MACROH2A1: variants seen among roughly 807,000 people sequenced by gnomAD.
MACROH2A1 encodes the protein core histone macro-H2A.1.
In MACROH2A1, 2 loss-of-function variants were observed where a neutral mutation model predicts 31.6. The ratio of observed to expected loss-of-function variants is 0.06; its 90% CI spans 0.03 to 0.20. MACROH2A1 has a LOEUF of 0.20. MACROH2A1 is among the 10% of genes least tolerant of loss of function. The pLI, the probability that MACROH2A1 is intolerant of heterozygous loss-of-function variation, is 1.00. For synonymous variants in MACROH2A1, 169 were observed against 189.6 expected, an observed-to-expected ratio of 0.89 and a Z score of 0.89; for missense variants, 230 against 474.0, an observed-to-expected ratio of 0.49 and a Z score of 4.78.
chr5:135,338,063 C>A, intron 8 of MACROH2A1: 1 of 1,051,664 alleles, frequency 9.5e-7, no homozygotes, highest in Non-Finnish European at 1.2e-6. Context: ...GTCTTGCTGC[C>A]AGTTAGAATG....
intron 6 of MACROH2A1, among the ~76,000 whole-genome samples, chr5:135,348,988 A>G (rs986804440): frequency 3.9e-5 from 6 of 152,190 alleles, no homozygotes; most frequent in Non-Finnish European, 7.3e-5. Context: ...GTCACAATTC[A>G]GGAAGGACTG....
At chr5:135,397,077 G>A (rs1010561168) in intron 1 of MACROH2A1, among the ~76,000 whole-genome samples, 1 of 152,144 alleles carries the variant, frequency 6.6e-6, no homozygotes, top group Non-Finnish European at 1.5e-5. Flanking sequence ...TAAAACCAGA[G>A]GCTGTTGCAG....
intron 2 of MACROH2A1, among the ~76,000 whole-genome samples, chr5:135,382,315 C>T (rs1249631680): frequency 2.0e-5 from 3 of 152,134 alleles, no homozygotes; most frequent in African/African-American, 7.2e-5. Flanking sequence ...TGCATTTTGC[C>T]CTTCAAAGTG....
At chr5:135,352,670 T>A (rs1176383927) in intron 6 of MACROH2A1, among the ~76,000 whole-genome samples, 1 of 152,186 alleles carries the variant, frequency 6.6e-6, no homozygotes, top group Non-Finnish European at 1.5e-5. Flanking sequence ...CCTCCCCAAG[T>A]AACCAGCAGT....
intron 7 of MACROH2A1, chr5:135,344,453 T>C (rs1446443526): frequency 3.9e-5 from 6 of 152,128 alleles, no homozygotes; most frequent in Non-Finnish European, 8.8e-5. Flanking sequence ...AAGGAGCGAT[T>C]TGTGGGTAGT....
chr5:135,378,237 G>A (rs1025071087), intron 2 of MACROH2A1, among the ~76,000 whole-genome samples: 3 of 152,230 alleles, frequency 2.0e-5, no homozygotes, highest in African/African-American at 7.2e-5. Context: ...TCTCTGCCCA[G>A]TACCTCGCTT....
chr5:135,388,895 T>C lies in MACROH2A1; in HGVS notation c.172+27A>G, dbSNP rs762638525. The C allele has an allele frequency of 2.9e-5, 46 of 1,561,942 alleles. No individual in the cohort carries two copies. In the South Asian group the frequency reaches 4.9e-4, roughly 17 times the overall value. On this transcript the variant is annotated intron_variant, in intron 2 of 8. Transcript: ENST00000511689. ...GAACTTCTGCATCTTAAGCCAGTGG[T>C]GTCTGGGTTGACTGAGGTACACTCA...
At chr5:135,348,181 T>A (rs529926177) in intron 6 of MACROH2A1, among the ~76,000 whole-genome samples, 1 of 152,346 alleles carries the variant, frequency 6.6e-6, no homozygotes, top group East Asian at 1.9e-4. Context: ...TGTATGCACA[T>A]GTTCATGTAG....
chr5:135,363,367 A>G (rs1466060937), intron 4 of MACROH2A1, among the ~76,000 whole-genome samples: 1 of 152,176 alleles, frequency 6.6e-6, no homozygotes, highest in Non-Finnish European at 1.5e-5. Context: ...TACCCACCCA[A>G]CGGGACAACA....
chr5:135,370,215 A>G, intron 2 of MACROH2A1, 73 bp from the exon 3 acceptor site: 1 of 914,524 alleles, frequency 1.1e-6, no homozygotes, highest in Non-Finnish European at 1.7e-6. Context: ...CCACATTCAC[A>G]GTGCCAGGAA....
At chr5:135,350,637 G>A (rs1191594402) in intron 6 of MACROH2A1, 2 of 516,326 alleles carry the variant, frequency 3.9e-6, no homozygotes. Context: ...CAGCCAGGAT[G>A]CATGACATCC....
chr5:135,373,208 G>A (rs750606103), intron 2 of MACROH2A1, among the ~76,000 whole-genome samples: 3 of 152,176 alleles, frequency 2.0e-5, no homozygotes, highest in Admixed American at 6.5e-5. Flanking sequence ...GTTGGTGGTC[G>A]GGGAGGAGGG....
At chr5:135,368,941 T>C (rs779931820) in intron 4 of MACROH2A1, among the ~76,000 whole-genome samples, 5 of 152,184 alleles carry the variant, frequency 3.3e-5, no homozygotes, top group Non-Finnish European at 7.4e-5. Context: ...GAGGCAACCA[T>C]TCTGGAGTGA....
intron 4 of MACROH2A1, among the ~76,000 whole-genome samples, chr5:135,367,093 C>CT (rs1290963708): frequency 1.3e-5 from 2 of 152,334 alleles, no homozygotes; most frequent in East Asian, 3.9e-4. Context: ...AAAATACCAA[C>CT]TCTCACTACA....
At chr5:135,373,794 A>G (rs546895082) in intron 2 of MACROH2A1, among the ~76,000 whole-genome samples, 20 of 152,340 alleles carry the variant, frequency 1.3e-4, no homozygotes, top group Admixed American at 6.5e-4. Context: ...TCCTACCACC[A>G]TAGGGTGGGC....
At chr5:135,350,272 T>C (rs1232187527) in intron 6 of MACROH2A1, among the ~76,000 whole-genome samples, 2 of 152,198 alleles carry the variant, frequency 1.3e-5, no homozygotes, top group African/African-American at 2.4e-5. Context: ...GTGATTTTCA[T>C]GTACCTGAAG....
intron 5 of MACROH2A1, chr5:135,354,780 CTAT>C (rs1761976176): frequency 3.0e-6 from 1 of 330,050 alleles, no homozygotes; most frequent in Non-Finnish European, 5.9e-6. Context: ...GGATTTTACT[CTAT>C]TATTTAGTTC....
chr5:135,349,073 C>T (rs1042214585), intron 6 of MACROH2A1, among the ~76,000 whole-genome samples: 1 of 152,232 alleles, frequency 6.6e-6, no homozygotes, highest in Non-Finnish European at 1.5e-5. Flanking sequence ...AGCTGCAACT[C>T]TGCCTCCTGG....
rs1236039142 is a variant in MACROH2A1 at position 135,373,332 on chromosome 5, T to TG, written c.173-3191dup. Among the ~76,000 whole-genome samples the TG allele has an allele frequency of 2.0e-5, 3 of 151,852 alleles. No individual in the cohort carries two copies. The East Asian group carries it at 5.8e-4, about 29-fold the overall frequency. Reference sequence around the variant, plus strand: ...AGTGTGGTTGGGCCCCTGACTTGGGTGAGGGCAGGTAGTATGTAAAGAACA... The same window carrying TG: ...AGTGTGGTTGGGCCCCTGACTTGGGTGGAGGGCAGGTAGTATGTAAAGAACA... On this transcript the variant is annotated intron_variant, in intron 2 of 8. Coordinates refer to ENST00000511689, the MANE Select transcript of MACROH2A1 (RefSeq NM_138610.3).
Sources: gnomAD v4.1 joint callset for allele counts (sites outside exome capture counted in the v4.1 genomes callset) on GRCh38, gnomAD v4.1.1 for gene constraint, MANE v1.5 for transcripts, NCBI Gene and HGNC (gene_info 2026-07-23, HGNC 2026-07-21) for gene names.